SBF2: variants seen among roughly 807,000 people sequenced by gnomAD.
The protein encoded by SBF2 is SET binding factor 2.
Under a neutral mutation model 225.2 loss-of-function variants are expected in SBF2, and 112 were observed. That is an observed-to-expected ratio of 0.50 (90% CI 0.43 to 0.58). SBF2 has a LOEUF of 0.58. Ranked by LOEUF, SBF2 falls within the 20% of genes least tolerant of loss-of-function variation. The pLI is 0.00. For missense variants in SBF2, 1,996 were observed against 2,206.2 expected, an observed-to-expected ratio of 0.90 and a Z score of 1.91; for synonymous variants, 763 against 773.3, an observed-to-expected ratio of 0.99 and a Z score of 0.22.
At chr11:9,861,484 T>G (rs1857734759) in intron 17 of SBF2, among the ~76,000 whole-genome samples, 1 of 151,826 alleles carries the variant, frequency 6.6e-6, no homozygotes, top group Admixed American at 6.6e-5. Flanking sequence ...GCCAATATGG[T>G]GAAACCCCGT....
intron 2 of SBF2, among the ~76,000 whole-genome samples, chr11:10,083,320 C>T (rs564898172): frequency 6.6e-6 from 1 of 152,280 alleles, no homozygotes; most frequent in Admixed American, 6.5e-5. Flanking sequence ...AAGCAGTCTA[C>T]AGATTCAATG....
chr11:10,033,468 A>G (rs1369916011), intron 3 of SBF2, among the ~76,000 whole-genome samples: 4 of 152,182 alleles, frequency 2.6e-5, no homozygotes, highest in African/African-American at 4.8e-5. Context: ...AGTGAAAATC[A>G]GTATTAAGTA....
chr11:10,084,986 T>C (rs1201297403), intron 2 of SBF2, among the ~76,000 whole-genome samples: 1 of 152,084 alleles, frequency 6.6e-6, no homozygotes, highest in Non-Finnish European at 1.5e-5. Context: ...GGGTGCAATA[T>C]ATATTAGTTG....
At chr11:9,993,137 A>C (rs767606899) in intron 10 of SBF2, 34 bp from the exon 11 acceptor site, 1 of 1,501,172 alleles carries the variant, frequency 6.7e-7, no homozygotes, top group East Asian at 2.3e-5. Flanking sequence ...AGGTAATTTA[A>C]CTTTTTAAAA....
chr11:10,202,612 C>T (rs1300447739), intron 1 of SBF2, among the ~76,000 whole-genome samples: 1 of 152,006 alleles, frequency 6.6e-6, no homozygotes, highest in Non-Finnish European at 1.5e-5. Context: ...GGTGAAATCC[C>T]GTCTCTACTA....
At chr11:9,968,661 T>C in intron 13 of SBF2, 116 bp from the exon 14 acceptor site, 1 of 828,616 alleles carries the variant, frequency 1.2e-6, no homozygotes, top group East Asian at 2.4e-5. Flanking sequence ...TACATTCATA[T>C]ATACGCCATA....
At chr11:9,923,847 G>A (rs1049984757) in intron 16 of SBF2, among the ~76,000 whole-genome samples, 4 of 152,142 alleles carry the variant, frequency 2.6e-5, no homozygotes, top group African/African-American at 9.7e-5. Context: ...TCCAAACTAA[G>A]AGGATTTCAC....
At chr11:10,010,697 C>G (rs1948413673) in intron 6 of SBF2, among the ~76,000 whole-genome samples, 1 of 152,126 alleles carries the variant, frequency 6.6e-6, no homozygotes, top group Non-Finnish European at 1.5e-5. Flanking sequence ...GTTCTTTTTG[C>G]TTAGGACTGT....
intron 1 of SBF2, among the ~76,000 whole-genome samples, chr11:10,260,392 T>G (rs1329827381): frequency 6.6e-6 from 1 of 151,792 alleles, no homozygotes; most frequent in African/African-American, 2.4e-5. Context: ...AAGACCAGCC[T>G]GGGCAACATA....
chr11:9,956,685 A>T (rs777908553), intron 16 of SBF2: 3 of 151,672 alleles, frequency 2.0e-5, no homozygotes, highest in Non-Finnish European at 4.4e-5. Context: ...GTACTTGGCG[A>T]TTAGAAGTCA....
chr11:9,939,022 T>C (rs1234577250), intron 16 of SBF2, among the ~76,000 whole-genome samples: 1 of 152,104 alleles, frequency 6.6e-6, no homozygotes, highest in Non-Finnish European at 1.5e-5. Context: ...AGGCAAAAAG[T>C]ATACATAAGC....
chr11:9,787,863 T>C (rs903902332), intron 35 of SBF2, 125 bp from the exon 36 acceptor site: 52 of 785,140 alleles, frequency 6.6e-5, no homozygotes, highest in Non-Finnish European at 9.8e-5. Flanking sequence ...AGGAAAGTGG[T>C]GGACATGGGC....
chr11:10,141,461 T>C (rs7123453), intron 2 of SBF2, among the ~76,000 whole-genome samples: 30,175 of 152,142 alleles, frequency 0.2, 3,952 homozygotes, highest in Non-Finnish European at 0.3. Context: ...AACTAATTAT[T>C]TTAGAACAAG....
At chr11:10,274,048 T>C (rs1962758115) in intron 1 of SBF2, among the ~76,000 whole-genome samples, 1 of 152,284 alleles carries the variant, frequency 6.6e-6, no homozygotes. Context: ...CTTTTTATTT[T>C]TAACCTTTAG....
intron 38 of SBF2, among the ~76,000 whole-genome samples, chr11:9,782,504 A>G (rs765504467): frequency 1.3e-5 from 2 of 152,218 alleles, no homozygotes; most frequent in Non-Finnish European, 2.9e-5. Context: ...CAGTGTGAAT[A>G]TAATTTGTTA....
At chr11:9,852,521 T>C (rs1160488217) in intron 21 of SBF2, among the ~76,000 whole-genome samples, 155 bp downstream of exon 21, 2 of 152,222 alleles carry the variant, frequency 1.3e-5, no homozygotes, top group Non-Finnish European at 2.9e-5. Flanking sequence ...TATAAGGTTC[T>C]ATATGACACA....
chr11:9,820,957 T>C (rs558889385), intron 28 of SBF2, among the ~76,000 whole-genome samples: 3 of 152,218 alleles, frequency 2.0e-5, no homozygotes, highest in Non-Finnish European at 4.4e-5. Flanking sequence ...TACAGATGAA[T>C]ACATAATTGA....
chr11:9,998,244 C>T (rs534679139), intron 9 of SBF2, 22 bp downstream of exon 9: 27 of 1,323,262 alleles, frequency 2.0e-5, no homozygotes, highest in Admixed American at 6.8e-5. Context: ...GAGAAAGTTA[C>T]TATTACAAAA....
At chr11:10,290,496 G>A (rs1175267320) in intron 1 of SBF2, among the ~76,000 whole-genome samples, 1 of 152,144 alleles carries the variant, frequency 6.6e-6, no homozygotes, top group Non-Finnish European at 1.5e-5. Context: ...GGGTGTCCCT[G>A]TATGGAAGCA....
Sources: allele counts gnomAD v4.1 joint callset (sites outside exome capture counted in the v4.1 genomes callset), GRCh38; gene constraint gnomAD v4.1.1; transcripts MANE v1.5; gene names NCBI Gene and HGNC (gene_info 2026-07-23, HGNC 2026-07-21).